The following NDC1 variants were observed in gnomAD, a reference collection of about 807,000 sequenced individuals.
NDC1 encodes nucleoporin NDC1.
NDC1 carries 24 observed loss-of-function variants against 89.8 expected under a neutral mutation model. The ratio of observed to expected loss-of-function variants is 0.27; its 90% CI spans 0.19 to 0.38. The LOEUF (loss-of-function observed/expected upper bound fraction) is 0.38. Ranked by LOEUF, NDC1 falls within the 10% of genes least tolerant of loss-of-function variation. The pLI is 1.00. For synonymous variants in NDC1, 296 were observed against 284.8 expected, an observed-to-expected ratio of 1.04 and a Z score of -0.39; for missense variants, 728 against 797.6, an observed-to-expected ratio of 0.91 and a Z score of 1.05.
intron 16 of NDC1, among the ~76,000 whole-genome samples, chr1:53,776,105 C>T (rs1647160675): frequency 6.6e-6 from 1 of 152,066 alleles, no homozygotes; most frequent in Non-Finnish European, 1.5e-5. Context: ...CAGGCATGCA[C>T]CACCATGCCC....
chr1:53,780,047 G>T lies in NDC1; in HGVS notation c.1800+7111C>A, dbSNP rs887862766. On this transcript the variant is annotated intron_variant, in intron 16 of 17. Coordinates refer to ENST00000371429, the MANE Select transcript of NDC1 (RefSeq NM_018087.5). ...CAGATTCACCTGTCATATGTTCTCTGATCATCCTGCATTTCTTTTTTTTCT... is the reference window on the plus strand; with the variant it reads ...CAGATTCACCTGTCATATGTTCTCTTATCATCCTGCATTTCTTTTTTTTCT... Among the ~76,000 whole-genome samples, 44 of 151,970 alleles carry T rather than the reference G, an allele frequency of 2.9e-4. 1 individual carries two copies. Among genetic ancestry groups the T allele is most frequent in the Non-Finnish European group, 5.9e-5 (4 of 67,986 alleles).
At position 53,768,959 on chromosome 1, in the gene NDC1, G is replaced by A. The variant is rs190955455; in HGVS notation, c.1962-926C>T. ...TCTCTCTGCTAGCAGGTAGTAAAGT[G>A]TCCCTTACAATTTACTATTAGTACT... On this transcript the variant is annotated intron_variant, in intron 17 of 17. Coordinates refer to ENST00000371429, the MANE Select transcript of NDC1 (RefSeq NM_018087.5). Among the ~76,000 whole-genome samples the A allele has an allele frequency of 6.2e-4, 95 of 152,296 alleles. 2 individuals are homozygous for A. In the East Asian group the frequency reaches 0.014, roughly 22 times the overall value.
At chr1:53,786,456 G>C (rs1647312052) in intron 16 of NDC1, among the ~76,000 whole-genome samples, 1 of 152,120 alleles carries the variant, frequency 6.6e-6, no homozygotes, top group Non-Finnish European at 1.5e-5. Flanking sequence ...GCATCTACTG[G>C]CCTCAGTTCT....
chr1:53,834,855 C>A (rs934359647), intron 2 of NDC1, among the ~76,000 whole-genome samples: 1 of 152,298 alleles, frequency 6.6e-6, no homozygotes, highest in South Asian at 2.1e-4. Context: ...CACCTGTAAT[C>A]CCAGCACTTC....
chr1:53,826,664 T>G (rs1648874324), intron 4 of NDC1, among the ~76,000 whole-genome samples: 1 of 152,160 alleles, frequency 6.6e-6, no homozygotes, highest in African/African-American at 2.4e-5. Flanking sequence ...CAAACTCCTT[T>G]GAGAGTTTCT....
intron 16 of NDC1, among the ~76,000 whole-genome samples, chr1:53,782,131 G>C (rs575695226): frequency 6.6e-6 from 1 of 152,064 alleles, no homozygotes; most frequent in Non-Finnish European, 1.5e-5. Context: ...AAAAAGGAAA[G>C]AAAAGGCAGC....
rs113057430 is a variant in NDC1, at chr1:53,778,262, C to T, written c.1801-5773G>A. ...AGTATATGATGTGTGTGTGTATATACACACACACACACACACACACACACA... is the reference window on the plus strand; with the variant it reads ...AGTATATGATGTGTGTGTGTATATATACACACACACACACACACACACACA... On this transcript the variant is annotated intron_variant, in intron 16 of 17. Transcript: ENST00000371429. 3.9e-3 allele frequency among the ~76,000 whole-genome samples: 323 copies of T among 83,538 alleles called. 1 individual carries two copies. Among genetic ancestry groups the T allele is most frequent in the African/African-American group, 0.018 (278 of 15,334 alleles). 54.8% of individuals were successfully genotyped at this position (83,538 alleles called of 152,430 possible).
At chr1:53,825,189 G>C (rs1648806807) in intron 5 of NDC1, among the ~76,000 whole-genome samples, 1 of 151,260 alleles carries the variant, frequency 6.6e-6, no homozygotes, top group Non-Finnish European at 1.5e-5. Context: ...GAAAAAAAGA[G>C]CAGCGGCTGG....
intron 9 of NDC1, among the ~76,000 whole-genome samples, chr1:53,804,312 CA>C (rs771309482): frequency 2.0e-4 from 31 of 152,286 alleles, no homozygotes; most frequent in Non-Finnish European, 3.8e-4. Flanking sequence ...CTCACACAAA[CA>C]TACACTCACA....
Position 53,800,815 on chromosome 1 carries a change from C to T in NDC1, c.1100G>A (p.Arg367Lys). The change falls in exon 11 of 18, where the codon AGG becomes AAG. Residue 367 changes from arginine to lysine, a missense_variant. Transcript: ENST00000371429. ...ACCATTTAAAAGATTCAAACACTCC[C>T]TTGAAATGGCTGTCCAATTGTGGGG... Reference protein sequence around the residue: ...GHPHNWTAISRECLNLLNGMT... With the variant: ...GHPHNWTAISKECLNLLNGMT... 6.2e-7 allele frequency: 1 copy of T among 1,608,778 alleles called. No individual in the cohort carries two copies. Among genetic ancestry groups the T allele is most frequent in the African/African-American group, 1.3e-5 (1 of 74,672 alleles).
chr1:53,838,080 T>G lies in NDC1; in HGVS notation c.57+125A>C, dbSNP rs1649298062. The G allele has an allele frequency of 2.1e-5, 18 of 846,246 alleles. No individual in the cohort carries two copies. The South Asian group carries it at 3.0e-4, about 14-fold the overall frequency. 52.4% of individuals were successfully genotyped at this position (846,246 alleles called of 1,614,324 possible). A position where few individuals can be genotyped will look rare whatever the true frequency, so the allele number is the denominator to read the frequency against. Reference sequence around the variant, plus strand: ...GCAATCAGTCCCCCAAGTGGTGCCTTCCCCACGCGTTCTCTCCACGCTGCC... The same window carrying G: ...GCAATCAGTCCCCCAAGTGGTGCCTGCCCCACGCGTTCTCTCCACGCTGCC... On this transcript the variant is annotated intron_variant, in intron 1 of 17. Coordinates refer to ENST00000371429, the MANE Select transcript of NDC1 (RefSeq NM_018087.5).
chr1:53,781,139 A>G (rs1165962132), intron 16 of NDC1, among the ~76,000 whole-genome samples: 2 of 152,142 alleles, frequency 1.3e-5, no homozygotes, highest in Non-Finnish European at 2.9e-5. Flanking sequence ...TACAGGCATG[A>G]GCCAACGCAC....
chr1:53,813,926 C>T (rs562814260), intron 6 of NDC1, among the ~76,000 whole-genome samples: 2 of 152,164 alleles, frequency 1.3e-5, no homozygotes, highest in Non-Finnish European at 2.9e-5. Context: ...ATATCAAGCA[C>T]TCTCTCAGAT....
chr1:53,776,865 TACAAC>T (rs1314231575), intron 16 of NDC1, among the ~76,000 whole-genome samples: 1 of 152,206 alleles, frequency 6.6e-6, no homozygotes, highest in African/African-American at 2.4e-5. Context: ...TAGTCTTTTT[TACAAC>T]ACAAGAATAA....
intron 10 of NDC1, among the ~76,000 whole-genome samples, chr1:53,802,116 A>C (rs13374062): frequency 1.0e-3 from 158 of 152,328 alleles, no homozygotes; most frequent in African/African-American, 3.7e-3. Context: ...TTACTTGAAT[A>C]TCTGGTAAAA....
chr1:53,770,158 G>A (rs990331585), intron 17 of NDC1, among the ~76,000 whole-genome samples: 1 of 151,784 alleles, frequency 6.6e-6, no homozygotes, highest in Admixed American at 6.6e-5. Context: ...AAGAAACTAA[G>A]GTGGAATTTC....
intron 14 of NDC1, among the ~76,000 whole-genome samples, chr1:53,791,245 C>T (rs537710838): frequency 6.6e-6 from 1 of 152,252 alleles, no homozygotes; most frequent in South Asian, 2.1e-4. Flanking sequence ...CGCTAAAACT[C>T]CGTCTCTACT....
chr1:53,790,930 AAT>A (rs1647476211), intron 14 of NDC1, among the ~76,000 whole-genome samples: 1 of 152,088 alleles, frequency 6.6e-6, no homozygotes, highest in African/African-American at 2.4e-5. Flanking sequence ...ACCTGAGTAT[AAT>A]ATGTTTTTGT....
intron 5 of NDC1, among the ~76,000 whole-genome samples, chr1:53,821,316 C>T (rs779582024): frequency 4.7e-4 from 71 of 152,042 alleles, no homozygotes; most frequent in Non-Finnish European, 8.1e-4. Context: ...CGGTGGCAGG[C>T]GCCTGCAATC....
Sources: gnomAD v4.1 joint callset for allele counts (sites outside exome capture counted in the v4.1 genomes callset) on GRCh38, gnomAD v4.1.1 for gene constraint, MANE v1.5 for transcripts, NCBI Gene and HGNC (gene_info 2026-07-23, HGNC 2026-07-21) for gene names.